EPYC: variants seen among roughly 807,000 people sequenced by gnomAD.
The protein encoded by EPYC is dermatan sulfate proteoglycan 3.
In EPYC, 28 loss-of-function variants were observed where a neutral mutation model predicts 30.1. The ratio of observed to expected loss-of-function variants is 0.93; its 90% confidence interval spans 0.69 to 1.28. The LOEUF (loss-of-function observed/expected upper bound fraction) is 1.28, where lower values mean the gene tolerates loss of function less well. Ranked by LOEUF, EPYC falls within the 50% of genes most tolerant of loss-of-function variation. EPYC has a pLI of 0.00. For missense variants in EPYC, 382 were observed against 383.5 expected (o/e 1.00, Z 0.03); for synonymous variants, 144 against 141.4 (o/e 1.02, Z -0.13).
In EPYC at chr12:90,974,245, A is replaced by G. The variant is rs532990462; in HGVS notation, c.341-1265T>C. 4.5e-5 allele frequency among the ~76,000 whole-genome samples: 6 copies of G among 133,736 alleles called. No homozygotes were observed. In the South Asian group the frequency reaches 1.6e-3, roughly 35 times the overall value. 87.7% of individuals were successfully genotyped at this position (133,736 alleles called of 152,430 possible). A position where few individuals can be genotyped will look rare whatever the true frequency, so the allele number is the denominator to read the frequency against. ...TTTAAGGGAAAGGAAATAATCAACA[A>G]CCTAAGCCTCCTGAGATGTCAGGTA... is the stretch of plus-strand genomic sequence containing the variant. On this transcript the variant is annotated intron_variant, in intron 3 of 6. Transcript: ENST00000261172.
chr12:90,976,800 C>T (rs1247213270), intron 3 of EPYC, among the ~76,000 whole-genome samples: 1 of 152,064 alleles, frequency 6.6e-6, no homozygotes, highest in Non-Finnish European at 1.5e-5. Flanking sequence ...GGCGGCTTCC[C>T]TCATACTGTT....
In EPYC at chr12:90,970,056, G is replaced by A; in HGVS notation, c.786C>T (p.Ala262=). Residue 262 remains alanine (A), a synonymous_variant, in exon 6 of 7, where the codon GCC becomes GCT. Coordinates refer to ENST00000261172, the MANE Select transcript of EPYC (RefSeq NM_004950.5). The stretch of plus-strand genomic sequence containing the variant: ...GGTAGACTCCTACCTGGAGGTGAAG[G>A]GCTCGTAGATTTTCTGGGAGTGGCA... ...IPLPLPENLR[A]LHLQNNNILE... 1.2e-6 allele frequency: 2 copies of A among 1,613,496 alleles called. No homozygotes were observed. The highest frequency in any genetic ancestry group is 1.7e-6 in the Non-Finnish European group (2 of 1,179,454).
chr12:90,987,094 C>G (rs181656293), intron 2 of EPYC, among the ~76,000 whole-genome samples: 1 of 152,200 alleles, frequency 6.6e-6, no homozygotes, highest in African/African-American at 2.4e-5. Flanking sequence ...ATGAGAGTGA[C>G]AGAGCAGGAA....
In EPYC at chr12:90,988,763, A is replaced by G. The variant is rs111605273; in HGVS notation, c.166-10501T>C. Among the ~76,000 whole-genome samples, 153 of 152,266 alleles carry G rather than the reference A, an allele frequency of 1.0e-3. 1 individual carries two copies. The highest frequency in any genetic ancestry group is 3.6e-3 in the African/African-American group (151 of 41,560). On this transcript the variant is annotated intron_variant, in intron 2 of 6. Transcript: ENST00000261172. ...TAAGAGATTCTATCTTGCTGACATGACTATCTAATGCAGGTAAACAAGTTT... is the reference window on the plus strand; with the variant it reads ...TAAGAGATTCTATCTTGCTGACATGGCTATCTAATGCAGGTAAACAAGTTT...
In EPYC at chr12:90,964,008, T is replaced by TCATTA; in HGVS notation, c.*143_*147dup. On this transcript the variant is annotated 3_prime_UTR_variant, in exon 7 of 7. Transcript: ENST00000261172. The stretch of plus-strand genomic sequence containing the variant: ...GGTGTTTTCTTAAATTACTACATTT[T>TCATTA]CATTATAACATTTTTAATTGTATTT... The TCATTA allele has an allele frequency of 7.5e-6, 2 of 268,082 alleles. No homozygotes were observed. Among genetic ancestry groups the TCATTA allele is most frequent in the South Asian group, 6.8e-5 (1 of 14,712 alleles). The allele number at this position is 268,082 out of a possible 1,614,324, so 16.6% of individuals were successfully genotyped here.
At chr12:90,966,445 G>A (rs988252919) in intron 6 of EPYC, among the ~76,000 whole-genome samples, 27 of 151,914 alleles carry the variant, frequency 1.8e-4, no homozygotes, top group African/African-American at 6.5e-4. Flanking sequence ...TACATTGGTT[G>A]ATTTTTAAAT....
Position 90,972,013 on chromosome 12 carries a change from AAAAT to A in EPYC, c.500-15_500-12del, listed in dbSNP as rs781615806. The A allele has an allele frequency of 2.7e-5, 38 of 1,409,120 alleles. No homozygotes were observed. The highest frequency in any genetic ancestry group is 3.6e-5 in the Non-Finnish European group (37 of 1,034,954). 87.3% of individuals were successfully genotyped at this position (1,409,120 alleles called of 1,614,324 possible). A position where few individuals can be genotyped will look rare whatever the true frequency, so the allele number is the denominator to read the frequency against. On this transcript the variant is annotated splice_polypyrimidine_tract_variant and intron_variant, in intron 4 of 6. Transcript: ENST00000261172. ...TCCTTTTTAAATCACCTAGCAGAAA[AAAAT>A]AAAGGAAGTAATTAAATATTCTTGT... is the stretch of plus-strand genomic sequence containing the variant.
rs367798335 is a variant in EPYC at position 90,972,968 on chromosome 12, C to T, written c.353G>A (p.Cys118Tyr). ...GPHTNEDFPT[C>Y]LLCTCISTTV... ...GGTACTTATACAAGTACACAAAAGACAGGTTGGAAAGTCTAAAAGATAAAG... is the reference window on the plus strand; with the variant it reads ...GGTACTTATACAAGTACACAAAAGATAGGTTGGAAAGTCTAAAAGATAAAG... Residue 118 changes from cysteine (C) to tyrosine (Y), a missense_variant, in exon 4 of 7, where the codon TGT becomes TAT. Cys to Tyr is a radical substitution (Grantham distance 194). Coordinates refer to ENST00000261172, the MANE Select transcript of EPYC (RefSeq NM_004950.5). The T allele has an allele frequency of 5.7e-6, 9 of 1,585,952 alleles. No homozygotes were observed. The highest frequency in any genetic ancestry group is 1.8e-5 in the Admixed American group (1 of 56,864).
intron 2 of EPYC, among the ~76,000 whole-genome samples, chr12:90,984,486 C>G (rs1877401945): frequency 6.6e-6 from 1 of 152,082 alleles, no homozygotes; most frequent in African/African-American, 2.4e-5. Flanking sequence ...TTTTTCTGCA[C>G]TATGGCCTGG....
chr12:91,003,241 T>C (rs1877873462), intron 1 of EPYC, among the ~76,000 whole-genome samples: 1 of 152,150 alleles, frequency 6.6e-6, no homozygotes, highest in African/African-American at 2.4e-5. Context: ...ACATACATTG[T>C]TTAATATGTA....
At chr12:90,984,122 G>A (rs1219781353) in intron 2 of EPYC, among the ~76,000 whole-genome samples, 2 of 152,100 alleles carry the variant, frequency 1.3e-5, no homozygotes. Context: ...ATCTTTATAG[G>A]ACAGGGGTAA....
intron 2 of EPYC, among the ~76,000 whole-genome samples, chr12:90,996,777 T>C (rs1314644492): frequency 6.6e-6 from 1 of 152,026 alleles, no homozygotes; most frequent in African/African-American, 2.4e-5. Context: ...ATGCAAGAAA[T>C]TTTCTATGAC....
At chr12:90,996,805 C>A (rs1877701657) in intron 2 of EPYC, among the ~76,000 whole-genome samples, 1 of 151,972 alleles carries the variant, frequency 6.6e-6, no homozygotes, top group Non-Finnish European at 1.5e-5. Context: ...TACTAATATT[C>A]CTTTATTCAT....
intron 2 of EPYC, among the ~76,000 whole-genome samples, chr12:90,994,526 T>C (rs1236010743): frequency 6.6e-6 from 1 of 152,164 alleles, no homozygotes; most frequent in Non-Finnish European, 1.5e-5. Flanking sequence ...TTCAGCATTA[T>C]GACAAGACTG....
At chr12:90,985,594 T>A (rs1299894711) in intron 2 of EPYC, among the ~76,000 whole-genome samples, 2 of 152,000 alleles carry the variant, frequency 1.3e-5, no homozygotes, top group South Asian at 2.1e-4. Context: ...GGACAGAAAA[T>A]GGAGCAGGCC....
chr12:90,981,808 G>A (rs566226702), intron 2 of EPYC, among the ~76,000 whole-genome samples: 1 of 151,880 alleles, frequency 6.6e-6, no homozygotes, highest in South Asian at 2.1e-4. Context: ...ACCATTTTCT[G>A]CCATTCAACA....
intron 2 of EPYC, among the ~76,000 whole-genome samples, chr12:91,002,097 G>A (rs1877841169): frequency 1.4e-5 from 2 of 145,048 alleles, no homozygotes; most frequent in Admixed American, 1.4e-4. Context: ...GGCTGAGGCA[G>A]GAGAATTGCT....
chr12:90,979,920 A>G (rs1160114288), intron 2 of EPYC, among the ~76,000 whole-genome samples: 5 of 152,214 alleles, frequency 3.3e-5, no homozygotes, highest in African/African-American at 1.2e-4. Flanking sequence ...TATTTAAAGC[A>G]TGAAATCAAA....
At chr12:90,964,596 T>C (rs1260058436) in intron 6 of EPYC, among the ~76,000 whole-genome samples, 3 of 152,028 alleles carry the variant, frequency 2.0e-5, no homozygotes, top group African/African-American at 7.2e-5. Context: ...TTTCCAAAAA[T>C]GATGAGTATT....
Sources: gnomAD v4.1 joint callset for allele counts (sites outside exome capture counted in the v4.1 genomes callset) on GRCh38, gnomAD v4.1.1 for gene constraint, MANE v1.5 for transcripts, NCBI Gene and HGNC (gene_info 2026-07-23, HGNC 2026-07-21) for gene names.